The following WDFY4 variants were observed in gnomAD, a reference collection of about 807,000 sequenced individuals.
WDFY4 encodes the protein WDFY family member 4.
A neutral mutation model predicts 351.9 loss-of-function variants in WDFY4; 169 were observed. That is an observed-to-expected ratio of 0.48 (90% CI 0.42 to 0.55). The LOEUF is 0.55. Ranked by LOEUF, WDFY4 falls within the 20% of genes least tolerant of loss-of-function variation. The pLI is 0.00. For missense variants in WDFY4, 3,803 were observed against 3,935.6 expected (o/e 0.97, Z 0.90); for synonymous variants, 1,622 against 1,574.6 (o/e 1.03, Z -0.71).
intron 12 of WDFY4, among the ~76,000 whole-genome samples, chr10:48,744,506 A>C (rs2064951623): frequency 6.6e-6 from 1 of 152,220 alleles, no homozygotes; most frequent in African/African-American, 2.4e-5. Flanking sequence ...TTGATGTACT[A>C]ATGTTTAAAA....
chr10:48,701,154 G>A (rs185672811), intron 1 of WDFY4, among the ~76,000 whole-genome samples: 4 of 152,300 alleles, frequency 2.6e-5, no homozygotes, highest in Non-Finnish European at 4.4e-5. Flanking sequence ...CTGCTCCAGG[G>A]ACCTCATATC....
chr10:48,832,788 C>T (rs2068236720), intron 39 of WDFY4, 79 bp downstream of exon 39: 1 of 1,414,780 alleles, frequency 7.1e-7, no homozygotes, highest in South Asian at 1.6e-5. Context: ...TTCTTTGCTG[C>T]CTGTTACTAG....
At chr10:48,865,434 A>G (rs1039830905) in intron 39 of WDFY4, among the ~76,000 whole-genome samples, 4 of 152,198 alleles carry the variant, frequency 2.6e-5, no homozygotes, top group African/African-American at 7.2e-5. Flanking sequence ...GTCATGGTAT[A>G]TAATTTTTTA....
chr10:48,773,952 G>T (rs1055662645), intron 13 of WDFY4, among the ~76,000 whole-genome samples: 1 of 152,142 alleles, frequency 6.6e-6, no homozygotes, highest in South Asian at 2.1e-4. Flanking sequence ...AGCTGGGGGG[G>T]ATGTTGGACC....
chr10:48,865,145 A>G (rs537852110), intron 39 of WDFY4, among the ~76,000 whole-genome samples: 1 of 152,298 alleles, frequency 6.6e-6, no homozygotes, highest in Admixed American at 6.5e-5. Context: ...TCCTGATGTT[A>G]AGGAACATTC....
chr10:48,781,415 A>G, intron 19 of WDFY4, among the ~76,000 whole-genome samples: 1 of 151,152 alleles, frequency 6.6e-6, no homozygotes, highest in East Asian at 1.9e-4. Context: ...TCCTTTCTCA[A>G]CCTCCTGACT....
At position 48,811,700 on chromosome 10, in the gene WDFY4, G is replaced by T; in HGVS notation, c.5206G>T (p.Gly1736Trp). 6.4e-7 allele frequency: 1 copy of T among 1,551,590 alleles called. No homozygotes were observed. The highest frequency in any genetic ancestry group is 8.7e-7 in the Non-Finnish European group (1 of 1,146,940). ...GACACCACTCACAGAGCTGATGGAC[G>T]GGCCCAAAGTAGGTTTTCAGAGCAC... ...LQTPLTELMDGPKDSLDAMLQ... is the reference protein window; with the variant it reads ...LQTPLTELMDWPKDSLDAMLQ... Residue 1736 changes from glycine (G) to tryptophan (W), a missense_variant, in exon 30 of 62, where the codon GGG becomes TGG. Physicochemically the swap from Gly to Trp is radical, Grantham distance 184 (BLOSUM62 -2). Coordinates refer to ENST00000325239, the MANE Select transcript of WDFY4 (RefSeq NM_001394531.1).
chr10:48,832,724 C>T lies in WDFY4; in HGVS notation c.6663+15C>T, dbSNP rs115440217. 1,222 of 1,508,628 alleles carry T rather than the reference C, an allele frequency of 8.1e-4. 10 individuals are homozygous for T. The African/African-American group carries it at 0.015, about 19-fold the overall frequency. 93.5% of individuals were successfully genotyped at this position (1,508,628 alleles called of 1,614,324 possible). ...GCAAGACAGAGGTGAGCCCAGACCC[C>T]TTTTCCTCAGAAAAGTATCAGGCAT... On this transcript the variant is annotated intron_variant, in intron 39 of 61. Coordinates refer to ENST00000325239, the MANE Select transcript of WDFY4 (RefSeq NM_001394531.1).
At chr10:48,894,400 G>GT (rs1466799522) in intron 44 of WDFY4, among the ~76,000 whole-genome samples, 1 of 152,210 alleles carries the variant, frequency 6.6e-6, no homozygotes, top group Non-Finnish European at 1.5e-5. Context: ...GAGCATGGGT[G>GT]TTAGAGTTGG....
chr10:48,866,013 C>A (rs75135418), intron 39 of WDFY4, among the ~76,000 whole-genome samples: 1 of 152,000 alleles, frequency 6.6e-6, no homozygotes, highest in African/African-American at 2.4e-5. Flanking sequence ...CCAATTTTAT[C>A]GATCTTTCCA....
At chr10:48,775,074 A>C (rs978185138) in intron 14 of WDFY4, among the ~76,000 whole-genome samples, 1 of 152,114 alleles carries the variant, frequency 6.6e-6, no homozygotes, top group African/African-American at 2.4e-5. Context: ...ATGGAGGAGG[A>C]TGGGGCAGAA....
At chr10:48,940,004 C>T (rs1840669746) in intron 47 of WDFY4, among the ~76,000 whole-genome samples, 1 of 152,238 alleles carries the variant, frequency 6.6e-6, no homozygotes, top group African/African-American at 2.4e-5. Flanking sequence ...AGCTCCACTT[C>T]TTTCATTCCT....
rs1491372100 is a variant in WDFY4 at position 48,800,731 on chromosome 10, T to TTTC, written c.4411-2553_4411-2552insCTT. Among the ~76,000 whole-genome samples, 6 of 56,406 alleles carry TTTC rather than the reference T, an allele frequency of 1.1e-4. No individual in the cohort carries two copies. In the East Asian group the frequency reaches 8.4e-3, roughly 79 times the overall value. The allele number at this position is 56,406 out of a possible 152,430, so 37.0% of individuals were successfully genotyped here. A position where few individuals can be genotyped will look rare whatever the true frequency, so the allele number is the denominator to read the frequency against. On this transcript the variant is annotated intron_variant, in intron 24 of 61. Coordinates refer to ENST00000325239, the MANE Select transcript of WDFY4 (RefSeq NM_001394531.1). The stretch of plus-strand genomic sequence containing the variant: ...CTTTCTTTCTTTCTTTCATTCTTTC[T>TTTC]TTTTTTTTTTTTTTGTTTTGAGATG...
chr10:48,782,788 A>G (rs2066270992), intron 19 of WDFY4, among the ~76,000 whole-genome samples: 1 of 152,234 alleles, frequency 6.6e-6, no homozygotes, highest in Non-Finnish European at 1.5e-5. Flanking sequence ...ATTTGTAAAG[A>G]TATGGAGCAT....
chr10:48,946,048 C>T lies in WDFY4; in HGVS notation c.7758C>T (p.Asn2586=), dbSNP rs769753064. 60 of 1,543,630 alleles carry T rather than the reference C, an allele frequency of 3.9e-5. No individual in the cohort carries two copies. In the East Asian group the frequency reaches 5.7e-4, roughly 15 times the overall value. The change falls in exon 50 of 62, where the codon AAC becomes AAT. Residue 2586 remains asparagine (N), a synonymous_variant. Transcript: ENST00000325239. ...VLADYTSETL[N]LANPKIFRDL... is the part of the protein sequence containing the mutation. ...GCACATCTGCCTTCTAGACATTGAA[C>T]TTGGCAAATCCGAAGATTTTCCGGG...
At chr10:48,890,247 A>T (rs2070636271) in intron 43 of WDFY4, among the ~76,000 whole-genome samples, 1 of 152,150 alleles carries the variant, frequency 6.6e-6, no homozygotes, top group South Asian at 2.1e-4. Flanking sequence ...CTCACAGTTA[A>T]CTGTGGGATG....
At chr10:48,732,463 C>A (rs2064496862) in intron 9 of WDFY4, among the ~76,000 whole-genome samples, 1 of 152,186 alleles carries the variant, frequency 6.6e-6, no homozygotes, top group Non-Finnish European at 1.5e-5. Context: ...CTGGAAGGGT[C>A]AGGGAGCTCT....
At chr10:48,977,930 G>T (rs751356524) in intron 59 of WDFY4, among the ~76,000 whole-genome samples, 1 of 152,234 alleles carries the variant, frequency 6.6e-6, no homozygotes, top group Admixed American at 6.5e-5. Flanking sequence ...GGGGTGCCCA[G>T]CCACCCAGGG....
intron 11 of WDFY4, among the ~76,000 whole-genome samples, chr10:48,737,693 G>GAAACAAA (rs1565146588): frequency 3.9e-5 from 6 of 151,902 alleles, no homozygotes; most frequent in Admixed American, 2.6e-4. Context: ...TGATTTGTAC[G>GAAACAAA]AAACAAAAAA....
Sources: gnomAD v4.1 joint callset for allele counts (sites outside exome capture counted in the v4.1 genomes callset) on GRCh38, gnomAD v4.1.1 for gene constraint, MANE v1.5 for transcripts, NCBI Gene and HGNC (gene_info 2026-07-23, HGNC 2026-07-21) for gene names.